PUM2: variants seen among roughly 807,000 people sequenced by gnomAD.
The protein encoded by PUM2 is pumilio homolog 2.
A neutral mutation model predicts 124.5 loss-of-function variants in PUM2; 57 were observed. That is an observed-to-expected ratio of 0.46 (90% CI 0.37 to 0.57). PUM2 has a LOEUF of 0.57. PUM2 is among the 20% of genes least tolerant of loss of function. The pLI is 0.00. For synonymous variants in PUM2, 460 were observed against 446.1 expected, an observed-to-expected ratio of 1.03 and a Z score of -0.39; for missense variants, 1,065 against 1,290.6, an observed-to-expected ratio of 0.83 and a Z score of 2.68.
intron 1 of PUM2, among the ~76,000 whole-genome samples, chr2:20,344,746 G>A (rs1373922550): frequency 6.6e-6 from 1 of 152,016 alleles, no homozygotes; most frequent in Non-Finnish European, 1.5e-5. Flanking sequence ...ACTTTGGGAG[G>A]CTGAGGCCGG....
intron 1 of PUM2, among the ~76,000 whole-genome samples, chr2:20,346,091 C>G (rs1333880521): frequency 6.6e-6 from 1 of 152,146 alleles, no homozygotes; most frequent in African/African-American, 2.4e-5. Flanking sequence ...ACCTAAGACT[C>G]TCCTTTGGAA....
intron 13 of PUM2, among the ~76,000 whole-genome samples, chr2:20,278,377 T>C (rs1051811946): frequency 2.6e-5 from 4 of 151,918 alleles, no homozygotes; most frequent in African/African-American, 9.7e-5. Context: ...TAAGAAACAA[T>C]AGGGGGGTCT....
At chr2:20,286,976 T>A (rs1672889070) in intron 10 of PUM2, among the ~76,000 whole-genome samples, 1 of 151,470 alleles carries the variant, frequency 6.6e-6, no homozygotes, top group Admixed American at 6.6e-5. Flanking sequence ...GATGAATGTA[T>A]GAAGAGTGGG....
chr2:20,348,491 T>C (rs1391491193), intron 1 of PUM2, among the ~76,000 whole-genome samples: 1 of 152,212 alleles, frequency 6.6e-6, no homozygotes, highest in African/African-American at 2.4e-5. Flanking sequence ...CAGATCATGT[T>C]AGGGTCTATA....
chr2:20,263,192 C>T lies in PUM2; in HGVS notation c.2225+1G>A. ...AAGTGAGAAATATCATAATCACCTA[C>T]CTAGAACCATGCTGGTCTTGAGAAA... On this transcript the variant is annotated splice_donor_variant, in intron 14 of 20. Coordinates refer to ENST00000361078, the MANE Select transcript of PUM2 (RefSeq NM_015317.5). LOFTEE classifies it high-confidence loss of function. 1 of 1,593,068 alleles carries T rather than the reference C, an allele frequency of 6.3e-7. No individual in the cohort carries two copies. The highest frequency in any genetic ancestry group is 8.6e-7 in the Non-Finnish European group (1 of 1,160,926).
At chr2:20,296,215 GC>G (rs1382799332) in intron 8 of PUM2, among the ~76,000 whole-genome samples, 1 of 152,160 alleles carries the variant, frequency 6.6e-6, no homozygotes, top group Non-Finnish European at 1.5e-5. Flanking sequence ...ATCAGTCTTG[GC>G]CGGGCGCGGT....
At chr2:20,351,387 C>T (rs1689324607), upstream of PUM2, among the ~76,000 whole-genome samples, 1 of 152,216 alleles carries the variant, frequency 6.6e-6, no homozygotes, top group Non-Finnish European at 1.5e-5. Context: ...TTGTACCCTG[C>T]GAGAGGGCTG....
intron 13 of PUM2, among the ~76,000 whole-genome samples, chr2:20,268,779 T>C (rs1668329178): frequency 6.6e-6 from 1 of 152,198 alleles, no homozygotes; most frequent in South Asian, 2.1e-4. Flanking sequence ...GACTCAAATG[T>C]GTGGGGCATT....
chr2:20,350,940 G>A, upstream of PUM2: 1 of 270,634 alleles, frequency 3.7e-6, no homozygotes, highest in Non-Finnish European at 5.7e-6. Context: ...TTGCGTCCCT[G>A]CTCCCGCGCT....
At chr2:20,345,525 CG>C in intron 1 of PUM2, among the ~76,000 whole-genome samples, 1 of 152,096 alleles carries the variant, frequency 6.6e-6, no homozygotes, top group Non-Finnish European at 1.5e-5. Context: ...CACATATCAC[CG>C]TATCACCAGC....
intron 1 of PUM2, among the ~76,000 whole-genome samples, chr2:20,348,054 G>A (rs915082681): frequency 6.6e-6 from 1 of 152,024 alleles, no homozygotes; most frequent in Non-Finnish European, 1.5e-5. Flanking sequence ...CTGGCACCGG[G>A]GCTCATGCTT....
chr2:20,334,404 A>G (rs188757131), intron 1 of PUM2, among the ~76,000 whole-genome samples: 35 of 152,334 alleles, frequency 2.3e-4, no homozygotes, highest in African/African-American at 7.5e-4. Flanking sequence ...GGGTGGGGAA[A>G]GCATTTGGAG....
chr2:20,313,835 C>CAAAAAAA (rs35569645), intron 3 of PUM2, among the ~76,000 whole-genome samples: 1 of 55,052 alleles, frequency 1.8e-5, no homozygotes, highest in African/African-American at 5.6e-5. Context: ...GATCCTGTCT[C>CAAAAAAA]AAAAAAAAAA....
At position 20,331,090 on chromosome 2, in the gene PUM2, G is replaced by A. The variant is rs1684806039; in HGVS notation, c.-18-3712C>T. ...AGTGGGATTTGCTAACACAGCCCTG[G>A]CACACAGAAACGTGGTTTGGTTCAG... is the stretch of plus-strand genomic sequence containing the variant. On this transcript the variant is annotated intron_variant, in intron 1 of 20. Transcript: ENST00000361078. Among the ~76,000 whole-genome samples the A allele has an allele frequency of 4.0e-5, 6 of 151,832 alleles. 1 individual carries two copies. The South Asian group carries it at 1.0e-3, about 26-fold the overall frequency.
chr2:20,338,492 A>C (rs1686582181), intron 1 of PUM2, among the ~76,000 whole-genome samples: 1 of 152,218 alleles, frequency 6.6e-6, no homozygotes, highest in Non-Finnish European at 1.5e-5. Flanking sequence ...GCTCAAATGC[A>C]GCTTTCCCTA....
intron 12 of PUM2, among the ~76,000 whole-genome samples, chr2:20,280,676 T>C (rs1671299192): frequency 6.6e-6 from 1 of 152,100 alleles, no homozygotes; most frequent in Non-Finnish European, 1.5e-5. Flanking sequence ...TAACCTTAAA[T>C]ATAAAGAAGC....
At chr2:20,276,052 G>T (rs1199945529) in intron 13 of PUM2, among the ~76,000 whole-genome samples, 3 of 151,880 alleles carry the variant, frequency 2.0e-5, no homozygotes, top group Admixed American at 2.0e-4. Flanking sequence ...AAAAATGGAA[G>T]AATAAAATTT....
intron 1 of PUM2, among the ~76,000 whole-genome samples, chr2:20,331,063 G>A (rs1482685309): frequency 4.6e-5 from 7 of 151,916 alleles, no homozygotes; most frequent in Non-Finnish European, 1.0e-4. Context: ...TTTGGTGTCA[G>A]AAGTGGGATT....
intron 19 of PUM2, among the ~76,000 whole-genome samples, chr2:20,254,339 G>A (rs1255860521): frequency 6.6e-6 from 1 of 152,042 alleles, no homozygotes; most frequent in Admixed American, 6.6e-5. Context: ...TTTTTGTAGA[G>A]AAAGGATCTC....
Sources: gnomAD v4.1 joint callset for allele counts (sites outside exome capture counted in the v4.1 genomes callset) on GRCh38, gnomAD v4.1.1 for gene constraint, MANE v1.5 for transcripts, NCBI Gene and HGNC (gene_info 2026-07-23, HGNC 2026-07-21) for gene names.